TGFBR2: variants seen among roughly 807,000 people sequenced by gnomAD.
The protein encoded by TGFBR2 is transforming growth factor beta receptor 2, also known as TGF-beta receptor type-2.
TGFBR2 carries 18 observed loss-of-function variants against 49.0 expected under a neutral mutation model. The ratio of observed to expected loss-of-function variants is 0.37; its 90% CI spans 0.25 to 0.54. The LOEUF (loss-of-function observed/expected upper bound fraction) is 0.54, where lower values mean the gene tolerates loss of function less well. TGFBR2 is among the 20% of genes least tolerant of loss of function. The pLI is 0.85. For missense variants in TGFBR2, 525 were observed against 722.6 expected, an observed-to-expected ratio of 0.73 and a Z score of 3.13; for synonymous variants, 282 against 275.9, an observed-to-expected ratio of 1.02 and a Z score of -0.22.
At position 30,691,530 on chromosome 3, in the gene TGFBR2, C is replaced by G. The variant is rs1178327690; in HGVS notation, c.1635C>G (p.Asp545Glu). ...AERFSELEHL[D>E]RLSGRSCSEE... ...GCTTCAGTGAGCTGGAGCATCTGGACAGGCTCTCGGGGAGGAGCTGCTCGG... is the reference window on the plus strand; with the variant it reads ...GCTTCAGTGAGCTGGAGCATCTGGAGAGGCTCTCGGGGAGGAGCTGCTCGG... The change falls in exon 7 of 7, where the codon GAC (aspartate) becomes GAG (glutamate). Residue 545 changes from aspartate to glutamate, a missense_variant. By Grantham distance (45) the Asp-to-Glu change is conservative (BLOSUM62 2). This residue lies in a region of TGFBR2 where 104 missense variants were observed against 133.4 expected (regional missense o/e 0.78). Transcript: ENST00000295754. 4.3e-6 allele frequency: 7 copies of G among 1,614,032 alleles called. No individual in the cohort carries two copies. Among genetic ancestry groups the G allele is most frequent in the South Asian group, 3.3e-5 (3 of 91,080 alleles).
Position 30,688,424 on chromosome 3 carries a change from G to T in TGFBR2, c.1437G>T (p.Arg479=), listed in dbSNP as rs1699660055. Residue 479 remains arginine, a synonymous_variant, in exon 6 of 7, where the codon CGG becomes CGT. Coordinates refer to ENST00000295754, the MANE Select transcript of TGFBR2 (RefSeq NM_003242.6). ...AGCCTCCATTTGGTTCCAAGGTGCG[G>T]GAGCACCCCTGTGTCGAAAGCATGA... The part of the protein sequence containing the change: ...DYEPPFGSKV[R]EHPCVESMKD... 6.2e-7 allele frequency: 1 copy of T among 1,614,192 alleles called. No individual in the cohort carries two copies. The highest frequency in any genetic ancestry group is 1.3e-5 in the African/African-American group (1 of 75,068).
intron 5 of TGFBR2, among the ~76,000 whole-genome samples, chr3:30,675,637 G>A (rs1443588367): frequency 2.0e-5 from 3 of 152,018 alleles, no homozygotes; most frequent in Admixed American, 6.6e-5. Flanking sequence ...TGCCCACCTC[G>A]GCCTCCCAAA....
chr3:30,626,925 G>T (rs1328761682), intron 1 of TGFBR2: 1 of 152,196 alleles, frequency 6.6e-6, no homozygotes, highest in Non-Finnish European at 1.5e-5. Flanking sequence ...CAGCAGAAAG[G>T]TAATCAGATT....
intron 3 of TGFBR2, among the ~76,000 whole-genome samples, chr3:30,667,320 C>G (rs1292360495): frequency 6.6e-6 from 1 of 152,164 alleles, no homozygotes; most frequent in Non-Finnish European, 1.5e-5. Context: ...GTACCTACAC[C>G]AACAGCTGTT....
chr3:30,636,471 G>C (rs1215870769), intron 1 of TGFBR2, among the ~76,000 whole-genome samples: 1 of 152,128 alleles, frequency 6.6e-6, no homozygotes, highest in Non-Finnish European at 1.5e-5. Context: ...ATGTGGGGCT[G>C]TCACTTGAAT....
At chr3:30,678,546 TAAA>T (rs1553630848) in intron 5 of TGFBR2, among the ~76,000 whole-genome samples, 1 of 100,866 alleles carries the variant, frequency 9.9e-6, no homozygotes, top group Non-Finnish European at 1.9e-5. Flanking sequence ...AGACTGCGTC[TAAA>T]AAAAAAAAAA....
intron 1 of TGFBR2, among the ~76,000 whole-genome samples, chr3:30,641,252 G>A (rs941940466): frequency 1.3e-5 from 2 of 152,144 alleles, no homozygotes. Flanking sequence ...GTGTTCATAA[G>A]GCTTTTATCA....
intron 1 of TGFBR2, among the ~76,000 whole-genome samples, chr3:30,632,043 T>A (rs1418974598): frequency 2.0e-5 from 3 of 152,218 alleles, no homozygotes; most frequent in Non-Finnish European, 4.4e-5. Flanking sequence ...GAACACTTTT[T>A]AACTAGGTAC....
Position 30,606,820 on chromosome 3 carries a change from G to C in TGFBR2, c.-64G>C, listed in dbSNP as rs17025709. On this transcript the variant is annotated 5_prime_UTR_variant, in exon 1 of 7. Transcript: ENST00000295754. ...GGGCGCGGCGCGGAGGCGCAGCCAG[G>C]GGTCCGGGAAGGCGCCGTCCGCTGC... 4.2e-6 allele frequency: 5 copies of C among 1,189,978 alleles called. No homozygotes were observed. The highest frequency in any genetic ancestry group is 3.8e-5 in the Admixed American group (1 of 26,276). The allele number at this position is 1,189,978 out of a possible 1,614,324, so 73.7% of individuals were successfully genotyped here. A position where few individuals can be genotyped will look rare whatever the true frequency, so the allele number is the denominator to read the frequency against.
intron 1 of TGFBR2, among the ~76,000 whole-genome samples, chr3:30,607,805 TATATATATTATATATATATAA>T (rs1289612881): frequency 7.2e-6 from 1 of 139,122 alleles, no homozygotes; most frequent in Non-Finnish European, 1.5e-5. Flanking sequence ...AAAAAATATA[TATATATATTATATATATATAA>T]ATATATATAT....
At chr3:30,682,530 A>C (rs544731543) in intron 5 of TGFBR2, among the ~76,000 whole-genome samples, 2 of 152,246 alleles carry the variant, frequency 1.3e-5, no homozygotes, top group East Asian at 3.9e-4. Flanking sequence ...GCAGTTCTTC[A>C]CAAGAGAGAG....
intron 1 of TGFBR2, among the ~76,000 whole-genome samples, chr3:30,610,565 A>T (rs1698011439): frequency 6.6e-6 from 1 of 151,986 alleles, no homozygotes; most frequent in East Asian, 1.9e-4. Context: ...TAGGGTATAA[A>T]CTTTGGAATC....
chr3:30,610,925 G>C (rs1698018408), intron 1 of TGFBR2, among the ~76,000 whole-genome samples: 1 of 152,110 alleles, frequency 6.6e-6, no homozygotes, highest in African/African-American at 2.4e-5. Flanking sequence ...TTAGGCAGCT[G>C]TTCCTTTGTT....
chr3:30,639,945 A>G (rs1468399630), intron 1 of TGFBR2, among the ~76,000 whole-genome samples: 1 of 152,240 alleles, frequency 6.6e-6, no homozygotes, highest in Non-Finnish European at 1.5e-5. Context: ...TCATATTCAG[A>G]ATTTCTAATA....
At chr3:30,681,634 A>G (rs1156559499) in intron 5 of TGFBR2, among the ~76,000 whole-genome samples, 1 of 152,166 alleles carries the variant, frequency 6.6e-6, no homozygotes, top group African/African-American at 2.4e-5. Context: ...AGTAAGAGAA[A>G]GTCGTTCTCA....
chr3:30,618,540 G>T (rs1404615675), intron 1 of TGFBR2, among the ~76,000 whole-genome samples: 2 of 152,032 alleles, frequency 1.3e-5, no homozygotes, highest in Non-Finnish European at 2.9e-5. Context: ...CCGGCCCCAA[G>T]GACCCATTTC....
At chr3:30,631,230 C>G (rs142004879) in intron 1 of TGFBR2, among the ~76,000 whole-genome samples, 4 of 151,798 alleles carry the variant, frequency 2.6e-5, no homozygotes, top group African/African-American at 9.7e-5. Context: ...TTAGTAGAGA[C>G]GGGGTTTCGC....
chr3:30,635,883 A>G (rs1698519093), intron 1 of TGFBR2, among the ~76,000 whole-genome samples: 1 of 152,152 alleles, frequency 6.6e-6, no homozygotes, highest in African/African-American at 2.4e-5. Context: ...TCACACACAT[A>G]AATGCATAAA....
intron 2 of TGFBR2, among the ~76,000 whole-genome samples, chr3:30,645,918 A>G (rs1698728832): frequency 6.6e-6 from 1 of 152,112 alleles, no homozygotes; most frequent in Admixed American, 6.5e-5. Flanking sequence ...CATTTGATTA[A>G]TTCATGGTTA....
Sources: allele counts gnomAD v4.1 joint callset (sites outside exome capture counted in the v4.1 genomes callset), GRCh38; gene constraint gnomAD v4.1.1; regional missense constraint gnomAD v4.1.1; transcripts MANE v1.5; gene names NCBI Gene and HGNC (gene_info 2026-07-23, HGNC 2026-07-21).